Variants in APOL3 observed in about 807,000 individuals in gnomAD.
The protein encoded by APOL3 is TNF-inducible protein CG12-1.
APOL3 carries 14 observed loss-of-function variants against 11.6 expected under a neutral mutation model. The observed-to-expected ratio is 1.21, with a 90% CI of 0.80 to 1.89. The LOEUF is 1.89. Among genes scored for constraint, APOL3 ranks in the 40% most tolerant of loss-of-function variants. APOL3 has a pLI of 0.00. For missense variants in APOL3, 483 were observed against 492.1 expected (o/e 0.98, Z 0.17); for synonymous variants, 192 against 190.6 (o/e 1.01, Z -0.06).
chr22:36,151,783 T>C (rs185658906), intron 1 of APOL3, among the ~76,000 whole-genome samples: 1 of 152,116 alleles, frequency 6.6e-6, no homozygotes, highest in Non-Finnish European at 1.5e-5. Flanking sequence ...TGACACCCCA[T>C]CATTACAAAG....
upstream of APOL3, among the ~76,000 whole-genome samples, chr22:36,163,145 G>A (rs1388409735): frequency 6.6e-6 from 1 of 152,218 alleles, no homozygotes; most frequent in Non-Finnish European, 1.5e-5. Context: ...TAACAGCCCA[G>A]GGAAGCTTTG....
intron 1 of APOL3, among the ~76,000 whole-genome samples, chr22:36,152,691 C>T (rs2011967155): frequency 6.6e-6 from 1 of 152,180 alleles, no homozygotes; most frequent in Non-Finnish European, 1.5e-5. Context: ...AAGTAATTCA[C>T]CTGGAGCCCC....
intron 1 of APOL3, among the ~76,000 whole-genome samples, chr22:36,154,807 T>C (rs1056241406): frequency 2.0e-5 from 3 of 152,278 alleles, no homozygotes; most frequent in African/African-American, 7.2e-5. Flanking sequence ...AGAATGCCTG[T>C]TTTTTCTACA....
intron 2 of APOL3, among the ~76,000 whole-genome samples, chr22:36,142,332 G>A (rs965143230): frequency 2.0e-5 from 3 of 152,160 alleles, no homozygotes; most frequent in Non-Finnish European, 4.4e-5. Flanking sequence ...GATAAAGATG[G>A]CTCCTCAAGC....
At chr22:36,141,828 G>T in exon 3 of APOL3, 2 of 1,614,256 alleles carry the variant, frequency 1.2e-6, no homozygotes, top group Non-Finnish European at 1.7e-6. Context: ...GGCAGCGCCA[G>T]TGGAGCTGGA....
chr22:36,148,804 T>C (rs977606047), intron 1 of APOL3, among the ~76,000 whole-genome samples: 2 of 152,124 alleles, frequency 1.3e-5, no homozygotes, highest in Non-Finnish European at 2.9e-5. Flanking sequence ...GTTTGCTAGG[T>C]GCCAGGGCAG....
chr22:36,140,895 C>G (rs1212429909), exon 3 of APOL3: 3 of 323,788 alleles, frequency 9.3e-6, no homozygotes, highest in East Asian at 1.1e-4. Flanking sequence ...TTCCTGCACA[C>G]CTCCCCTCTA....
At chr22:36,141,341 A>C (rs1467063658) in exon 3 of APOL3, 1 of 1,614,008 alleles carries the variant, frequency 6.2e-7, no homozygotes, top group Non-Finnish European at 8.5e-7. Flanking sequence ...ACTCGTATAC[A>C]AGGTTGACCA....
Position 36,146,792 on chromosome 22 carries a change from T to C in APOL3, c.224-1193A>G, listed in dbSNP as rs139455401. ...TCACCTTAAATGGGATACATAATAT[T>C]ATCAGTACAAAGCATCTTAGTACAC... On this transcript the variant is annotated intron_variant, in intron 1 of 2. Transcript: ENST00000349314. Among the ~76,000 whole-genome samples, 326 of 152,212 alleles carry C rather than the reference T, an allele frequency of 2.1e-3. 2 individuals are homozygous for C. The highest frequency in any genetic ancestry group is 7.6e-3 in the African/African-American group (315 of 41,518).
chr22:36,151,169 G>T (rs1031216797), intron 1 of APOL3, among the ~76,000 whole-genome samples: 2 of 152,292 alleles, frequency 1.3e-5, no homozygotes, highest in Non-Finnish European at 2.9e-5. Flanking sequence ...TGCATCTAAA[G>T]GCCCCAGAAA....
intron 2 of APOL3, among the ~76,000 whole-genome samples, chr22:36,142,508 G>A (rs1403067715): frequency 6.6e-6 from 1 of 152,168 alleles, no homozygotes; most frequent in Non-Finnish European, 1.5e-5. Flanking sequence ...TTTGGGCCCT[G>A]GGAAGGGATC....
chr22:36,149,664 C>T (rs1168362210), intron 1 of APOL3: 1 of 359,890 alleles, frequency 2.8e-6, no homozygotes, highest in Admixed American at 3.7e-5. Flanking sequence ...GCAACCTTGC[C>T]ATGTTTTCAC....
At chr22:36,161,104 C>G (rs907747560), upstream of APOL3, among the ~76,000 whole-genome samples, 1 of 152,218 alleles carries the variant, frequency 6.6e-6, no homozygotes, top group African/African-American at 2.4e-5. Context: ...CACCTCACTC[C>G]CTCCATGCCA....
chr22:36,155,052 T>A (rs1015462863), intron 1 of APOL3, among the ~76,000 whole-genome samples: 6 of 152,144 alleles, frequency 3.9e-5, no homozygotes. Context: ...CTGAGAAGAA[T>A]GAACTCAACT....
chr22:36,141,488 G>T (rs1336370221), exon 3 of APOL3: 1 of 1,614,158 alleles, frequency 6.2e-7, no homozygotes, highest in African/African-American at 1.3e-5. Context: ...TGGTCACAGG[G>T]AGTCGGGCCC....
chr22:36,149,729 C>T, intron 1 of APOL3: 1 of 405,726 alleles, frequency 2.5e-6, no homozygotes, highest in Non-Finnish European at 5.0e-6. Context: ...CATGACTGGG[C>T]TCCACTCCCT....
At chr22:36,154,450 T>G in intron 1 of APOL3, 1 of 372,470 alleles carries the variant, frequency 2.7e-6, no homozygotes, top group Non-Finnish European at 5.4e-6. Context: ...TGCAAAGACT[T>G]ATCGTAACAG....
At chr22:36,154,374 T>C (rs896007868) in intron 1 of APOL3, 9 of 327,426 alleles carry the variant, frequency 2.7e-5, no homozygotes, top group Non-Finnish European at 4.2e-5. Flanking sequence ...CTTGGGTTGA[T>C]ACTAACATTC....
At chr22:36,147,833 C>G (rs1371913437) in intron 1 of APOL3, among the ~76,000 whole-genome samples, 1 of 152,144 alleles carries the variant, frequency 6.6e-6, no homozygotes, top group Non-Finnish European at 1.5e-5. Flanking sequence ...CAAACAAAAG[C>G]AAACAGGCCT....
Sources: gnomAD v4.1 joint callset for allele counts (sites outside exome capture counted in the v4.1 genomes callset) on GRCh38, gnomAD v4.1.1 for gene constraint, MANE v1.5 for transcripts, NCBI Gene and HGNC (gene_info 2026-07-23, HGNC 2026-07-21) for gene names.